VPS37A: variants seen among roughly 807,000 people sequenced by gnomAD.
VPS37A encodes VPS37A subunit of ESCRT-I.
VPS37A carries 30 observed loss-of-function variants against 49.8 expected under a neutral mutation model. That is an observed-to-expected ratio of 0.60 (90% CI 0.45 to 0.82). VPS37A has a LOEUF of 0.82. Ranked by LOEUF, VPS37A falls within the 40% of genes least tolerant of loss-of-function variation. VPS37A has a pLI of 0.00. For missense variants in VPS37A, 593 were observed against 464.4 expected (o/e 1.28, Z -2.55); for synonymous variants, 195 against 160.6 (o/e 1.21, Z -1.62).
At chr8:17,291,321 C>T (rs369443827) in intron 11 of VPS37A, among the ~76,000 whole-genome samples, 25 of 152,232 alleles carry the variant, frequency 1.6e-4, no homozygotes, top group African/African-American at 5.8e-4. Flanking sequence ...ACGATCTCCC[C>T]TTTATCATTT....
At chr8:17,281,214 A>G (rs1815027149) in intron 9 of VPS37A, among the ~76,000 whole-genome samples, 1 of 152,158 alleles carries the variant, frequency 6.6e-6, no homozygotes, top group South Asian at 2.1e-4. Flanking sequence ...ATATTGGGCC[A>G]TTATTACACC....
At position 17,247,377 on chromosome 8, in the gene VPS37A, G is replaced by A. The variant is rs145945235; in HGVS notation, c.125+8G>A. ...CCGGAACTCACACTCCAGGTGACTG[G>A]TCGCTGCCTCTCCACCGGAGGAAAA... On this transcript the variant is annotated splice_region_variant and intron_variant, in intron 1 of 11. Transcript: ENST00000324849. The A allele has an allele frequency of 2.1e-3, 3,151 of 1,528,448 alleles. 98 individuals carry two copies. The East Asian group carries it at 0.064, about 31-fold the overall frequency. 94.7% of individuals were successfully genotyped at this position (1,528,448 alleles called of 1,614,324 possible).
intron 11 of VPS37A, among the ~76,000 whole-genome samples, chr8:17,294,757 C>CA (rs376270747): frequency 3.5e-4 from 54 of 152,294 alleles, no homozygotes; most frequent in Non-Finnish European, 7.6e-4. Flanking sequence ...CCGTGGGCTA[C>CA]ACCCACTGTC....
intron 1 of VPS37A, 131 bp from the exon 2 acceptor site, chr8:17,265,776 A>G: frequency 1.9e-6 from 3 of 1,546,192 alleles, no homozygotes; most frequent in Non-Finnish European, 2.6e-6. Context: ...TCAAGATACA[A>G]GTTATGCTGG....
chr8:17,300,318 G>T, downstream of VPS37A: 1 of 1,311,740 alleles, frequency 7.6e-7, no homozygotes, highest in Non-Finnish European at 1.0e-6. Flanking sequence ...CTCCCACGTG[G>T]GTATAATGTT....
At chr8:17,267,491 A>T (rs1050610986) in intron 2 of VPS37A, among the ~76,000 whole-genome samples, 7 of 138,336 alleles carry the variant, frequency 5.1e-5, no homozygotes, top group African/African-American at 1.8e-4. Flanking sequence ...GTGTGTTGAA[A>T]ATATACTGTT....
At chr8:17,279,808 C>G in intron 6 of VPS37A, 4 of 616,698 alleles carry the variant, frequency 6.5e-6, no homozygotes, top group Non-Finnish European at 1.2e-5. Flanking sequence ...CCAAAATTTA[C>G]TTTTACAGAT....
intron 11 of VPS37A, among the ~76,000 whole-genome samples, chr8:17,287,132 T>C (rs1279737045): frequency 6.6e-6 from 1 of 152,230 alleles, no homozygotes; most frequent in Non-Finnish European, 1.5e-5. Context: ...TTAAGATGCC[T>C]TTCCTTTTCC....
chr8:17,327,433 G>C, the VPS37A span, among the ~76,000 whole-genome samples: 1 of 126,490 alleles, frequency 7.9e-6, no homozygotes, highest in Admixed American at 7.7e-5. Flanking sequence ...ACCACGCCTG[G>C]TTGATTTTTT....
chr8:17,302,442 TG>T, downstream of VPS37A: 1 of 738,058 alleles, frequency 1.4e-6, no homozygotes, highest in Non-Finnish European at 2.1e-6. Flanking sequence ...TTCATGTTGA[TG>T]TTTTTTTTCT....
chr8:17,304,318 T>C, downstream of VPS37A: 1 of 1,573,478 alleles, frequency 6.4e-7, no homozygotes, highest in Non-Finnish European at 8.7e-7. Flanking sequence ...CCTCTGAATG[T>C]TAAACGGTAC....
At chr8:17,322,649 A>G in the VPS37A span, among the ~76,000 whole-genome samples, 1 of 152,040 alleles carries the variant, frequency 6.6e-6, no homozygotes, top group Non-Finnish European at 1.5e-5. Context: ...GCAAGACCCC[A>G]TCTCTACAAA....
At position 17,280,456 on chromosome 8, in the gene VPS37A, A is replaced by G. The variant is rs200114657; in HGVS notation, c.969+13A>G. On this transcript the variant is annotated intron_variant, in intron 9 of 11. Coordinates refer to ENST00000324849, the MANE Select transcript of VPS37A (RefSeq NM_152415.3). ...TGAACTTAGTGAGGTAAGACTGTTTATTTTTTTCCCTTTGCCATAGATTTT... is the reference window on the plus strand; with the variant it reads ...TGAACTTAGTGAGGTAAGACTGTTTGTTTTTTTCCCTTTGCCATAGATTTT... The G allele has an allele frequency of 3.4e-5, 53 of 1,580,168 alleles. 1 individual carries two copies. The African/African-American group carries it at 6.2e-4, about 18-fold the overall frequency.
the VPS37A span, among the ~76,000 whole-genome samples, chr8:17,310,349 A>G: frequency 2.0e-4 from 31 of 152,260 alleles, no homozygotes; most frequent in South Asian, 6.4e-3. Flanking sequence ...TCTCATCAAT[A>G]TCCCCAATGC....
chr8:17,291,053 G>T (rs1189342364), intron 11 of VPS37A, among the ~76,000 whole-genome samples: 1 of 152,086 alleles, frequency 6.6e-6, no homozygotes, highest in Non-Finnish European at 1.5e-5. Flanking sequence ...TCATTCTGTT[G>T]CCCAGGCTGG....
At chr8:17,286,944 A>G (rs965860588) in intron 11 of VPS37A, among the ~76,000 whole-genome samples, 4 of 152,212 alleles carry the variant, frequency 2.6e-5, no homozygotes, top group African/African-American at 9.6e-5. Flanking sequence ...AGAACCTGTA[A>G]TTAATCGCTA....
At chr8:17,331,210 G>C in the VPS37A span, 1 of 1,612,454 alleles carries the variant, frequency 6.2e-7, no homozygotes, top group Non-Finnish European at 8.5e-7. Flanking sequence ...CCGATAAACT[G>C]AAACTTGATA....
At chr8:17,280,323 AT>A (rs770948594) in intron 8 of VPS37A, 26 bp downstream of exon 8, 38 of 1,604,106 alleles carry the variant, frequency 2.4e-5, no homozygotes, top group Non-Finnish European at 2.9e-5. Context: ...TTTTGAAGAA[AT>A]TTACATAATT....
intron 4 of VPS37A, among the ~76,000 whole-genome samples, chr8:17,271,531 G>A (rs1437464960): frequency 2.0e-5 from 3 of 152,060 alleles, no homozygotes; most frequent in Non-Finnish European, 2.9e-5. Flanking sequence ...GCGTGAACCC[G>A]GGAGGAAGAG....
Sources: allele counts gnomAD v4.1 joint callset (sites outside exome capture counted in the v4.1 genomes callset), GRCh38; gene constraint gnomAD v4.1.1; transcripts MANE v1.5; gene names NCBI Gene and HGNC (gene_info 2026-07-23, HGNC 2026-07-21).